The following TUB variants were observed in gnomAD, a reference collection of about 807,000 sequenced individuals.
The protein encoded by TUB is tubby protein homolog.
Under a neutral mutation model 59.7 loss-of-function variants are expected in TUB, and 33 were observed. The ratio of observed to expected loss-of-function variants is 0.55; its 90% CI spans 0.42 to 0.74. The LOEUF (loss-of-function observed/expected upper bound fraction) is 0.74. TUB is among the 30% of genes least tolerant of loss of function. The pLI is 0.00. For synonymous variants in TUB, 293 were observed against 256.4 expected (o/e 1.14, Z -1.36); for missense variants, 659 against 672.0 (o/e 0.98, Z 0.21).
chr11:8,080,423 C>A (rs142079123), upstream of TUB, among the ~76,000 whole-genome samples: 47 of 152,140 alleles, frequency 3.1e-4, no homozygotes, highest in African/African-American at 1.1e-3. Context: ...AGGACCTCCT[C>A]AGCGCGCAGA....
At position 8,100,414 on chromosome 11, in the gene TUB, T is replaced by A. The variant is rs1944223038; in HGVS notation, c.1117-89T>A. ...ACTTCGGAGTGGAGATGGTGGGAAC[T>A]AGCTCTTCCTCTTTATTCCCGTCCC... On this transcript the variant is annotated intron_variant, in intron 9 of 11. Coordinates refer to ENST00000299506, the MANE Select transcript of TUB (RefSeq NM_177972.3). The A allele has an allele frequency of 1.1e-5, 11 of 999,310 alleles. 1 individual carries two copies. The South Asian group carries it at 1.4e-4, about 12-fold the overall frequency. The allele number at this position is 999,310 out of a possible 1,614,324, so 61.9% of individuals were successfully genotyped here.
At chr11:8,040,505 G>C (rs59924750) in intron 2 of TUB, among the ~76,000 whole-genome samples, 22,817 of 152,146 alleles carry the variant, frequency 0.15, 1,867 homozygotes, top group Non-Finnish European at 0.16. Context: ...GGTTTGTGAT[G>C]ATGGCGCCCT....
chr11:8,044,637 G>C (rs530624823), intron 2 of TUB, among the ~76,000 whole-genome samples: 12 of 152,198 alleles, frequency 7.9e-5, no homozygotes, highest in African/African-American at 2.4e-4. Flanking sequence ...ATTTGATTCT[G>C]GTACTAATTA....
intron 2 of TUB, among the ~76,000 whole-genome samples, chr11:8,048,315 T>C (rs1408449384): frequency 6.6e-6 from 1 of 152,210 alleles, no homozygotes; most frequent in Non-Finnish European, 1.5e-5. Flanking sequence ...CATGAATGAA[T>C]GAATAAGTGA....
chr11:8,026,143 T>A (rs535918135), intron 1 of TUB, among the ~76,000 whole-genome samples: 1 of 152,202 alleles, frequency 6.6e-6, no homozygotes, highest in Non-Finnish European at 1.5e-5. Flanking sequence ...TATTTCCCCA[T>A]CTTTAAGTTG....
chr11:8,101,281 A>G (rs1347255158), intron 11 of TUB, among the ~76,000 whole-genome samples: 1 of 152,146 alleles, frequency 6.6e-6, no homozygotes, highest in Non-Finnish European at 1.5e-5. Flanking sequence ...GTTCACATGC[A>G]TCTTACTTTG....
intron 1 of TUB, among the ~76,000 whole-genome samples, chr11:8,082,341 C>T (rs1289070534): frequency 1.3e-5 from 2 of 152,354 alleles, no homozygotes; most frequent in East Asian, 3.9e-4. Flanking sequence ...TCAAGGATGG[C>T]TGGGCTTTCC....
chr11:8,098,823 C>A lies in TUB; in HGVS notation c.1064C>A (p.Ser355Tyr). The change falls in exon 9 of 12, where the codon TCC becomes TAC. Residue 355 changes from serine (S) to tyrosine (Y), a missense_variant. Coordinates refer to ENST00000299506, the MANE Select transcript of TUB (RefSeq NM_177972.3). The stretch of plus-strand genomic sequence containing the variant: ...GGAGTCAACCCTCAGAAGGCCTCAT[C>A]CTCCACTTTGGAAAGTGGAACCTTA... ...DNGVNPQKASSSTLESGTLRQ... is the reference protein window; with the variant it reads ...DNGVNPQKASYSTLESGTLRQ... The A allele has an allele frequency of 6.2e-7, 1 of 1,614,208 alleles. No individual in the cohort carries two copies. Among genetic ancestry groups the A allele is most frequent in the African/African-American group, 1.3e-5 (1 of 75,060 alleles).
intron 2 of TUB, among the ~76,000 whole-genome samples, chr11:8,070,514 T>G (rs950570504): frequency 3.9e-5 from 6 of 152,238 alleles, no homozygotes; most frequent in African/African-American, 1.4e-4. Context: ...GGGGTTTTCT[T>G]GTTGATTCCC....
intron 6 of TUB, among the ~76,000 whole-genome samples, 165 bp from the exon 7 acceptor site, chr11:8,097,063 C>A (rs1944028646): frequency 6.6e-6 from 1 of 152,112 alleles, no homozygotes; most frequent in Non-Finnish European, 1.5e-5. Context: ...GAGGGCAGGG[C>A]TGGGAAGATA....
rs190543437 is a variant in TUB at position 8,059,021 on chromosome 11, C to A, written c.203+19329C>A. Among the ~76,000 whole-genome samples the A allele has an allele frequency of 2.9e-3, 443 of 152,308 alleles. 1 individual carries two copies. The highest frequency in any genetic ancestry group is 9.7e-3 in the African/African-American group (405 of 41,566). On this transcript the variant is annotated intron_variant, in intron 2 of 12. Transcript: ENST00000305253. ...TGTCACTGTTAACACCCCGTAGGCC[C>A]TCCATTACACATAGTCCCAACATGT...
At chr11:8,087,802 A>G (rs901345283) in intron 1 of TUB, among the ~76,000 whole-genome samples, 1 of 152,226 alleles carries the variant, frequency 6.6e-6, no homozygotes, top group East Asian at 1.9e-4. Context: ...CAGGCCTGGC[A>G]GGGCCCTCAG....
intron 2 of TUB, among the ~76,000 whole-genome samples, chr11:8,055,485 A>C (rs1187679426): frequency 1.3e-5 from 2 of 152,036 alleles, no homozygotes; most frequent in Non-Finnish European, 2.9e-5. Context: ...TGGGCCCCAG[A>C]GCCCACCCAG....
chr11:8,031,646 A>G (rs1009727371), intron 1 of TUB, among the ~76,000 whole-genome samples: 1 of 152,188 alleles, frequency 6.6e-6, no homozygotes, highest in African/African-American at 2.4e-5. Context: ...CCTCCTCGAT[A>G]CCATCTTCCT....
At chr11:8,035,226 A>G (rs1942629678), upstream of TUB, among the ~76,000 whole-genome samples, 1 of 152,168 alleles carries the variant, frequency 6.6e-6, no homozygotes, top group Non-Finnish European at 1.5e-5. Context: ...ACCTTTAATA[A>G]AGACAAGATA....
At chr11:8,088,346 C>T (rs889477694) in intron 1 of TUB, among the ~76,000 whole-genome samples, 2 of 152,198 alleles carry the variant, frequency 1.3e-5, no homozygotes, top group African/African-American at 2.4e-5. Flanking sequence ...AATGATTGTT[C>T]CAGCTAGAAA....
At chr11:8,020,726 T>A (rs577083554) in intron 1 of TUB, among the ~76,000 whole-genome samples, 1 of 152,238 alleles carries the variant, frequency 6.6e-6, no homozygotes, top group Non-Finnish European at 1.5e-5. Flanking sequence ...ATGATTCCAG[T>A]GCACCTGCCT....
At chr11:8,041,699 A>T (rs183122824) in intron 2 of TUB, among the ~76,000 whole-genome samples, 281 of 151,764 alleles carry the variant, frequency 1.9e-3, no homozygotes, top group Non-Finnish European at 3.2e-3. Context: ...CTCTGAATCA[A>T]CTCTTGTTCC....
At chr11:8,019,977 G>A (rs1271943792) in intron 1 of TUB, among the ~76,000 whole-genome samples, 1 of 152,238 alleles carries the variant, frequency 6.6e-6, no homozygotes, top group African/African-American at 2.4e-5. Flanking sequence ...GGCTGCCGGC[G>A]TGGGCGGTTT....
Sources: gnomAD v4.1 joint callset for allele counts (sites outside exome capture counted in the v4.1 genomes callset) on GRCh38, gnomAD v4.1.1 for gene constraint, MANE v1.5 for transcripts, NCBI Gene and HGNC (gene_info 2026-07-23, HGNC 2026-07-21) for gene names.